VPS13B: variants seen among roughly 807,000 people sequenced by gnomAD.
VPS13B encodes the protein intermembrane lipid transfer protein VPS13B.
VPS13B carries 285 observed loss-of-function variants against 426.4 expected under a neutral mutation model. The observed-to-expected ratio is 0.67, with a 90% CI of 0.61 to 0.74. The LOEUF is 0.74. Ranked by LOEUF, VPS13B falls within the 30% of genes least tolerant of loss-of-function variation. The probability of loss-of-function intolerance (pLI) is 0.00; values close to 1 mark genes in which losing one functional copy is unlikely to be tolerated. For missense variants in VPS13B, 4,537 were observed against 4,782.6 expected, an observed-to-expected ratio of 0.95 and a Z score of 1.51; for synonymous variants, 1,676 against 1,676.4, an observed-to-expected ratio of 1.00 and a Z score of 0.01.
chr8:99,835,617 C>A lies in VPS13B; in HGVS notation c.9821C>A (p.Ser3274Tyr). The A allele has an allele frequency of 6.2e-7, 1 of 1,614,086 alleles. No individual in the cohort carries two copies. Among genetic ancestry groups the A allele is most frequent in the Non-Finnish European group, 8.5e-7 (1 of 1,180,022 alleles). ...CATCATGAGCTGTATCATCAGATTT[C>A]CAGTTATCCGGACTGCAAGACCAAA... is the stretch of plus-strand genomic sequence containing the variant. ...SIHHELYHQI[S>Y]SYPDCKTKDL... The change falls in exon 54 of 62, where the codon TCC becomes TAC. Residue 3274 changes from serine (S) to tyrosine (Y), a missense_variant. Physicochemically the swap from Ser to Tyr is moderately radical, Grantham distance 144 (BLOSUM62 -2). Transcript: ENST00000357162.
At chr8:99,258,308 C>CT (rs573461893) in intron 17 of VPS13B, among the ~76,000 whole-genome samples, 8 of 150,440 alleles carry the variant, frequency 5.3e-5, no homozygotes, top group South Asian at 4.2e-4. Flanking sequence ...ATATTTATGC[C>CT]TTTTTTTTAA....
chr8:99,640,013 T>TAAGAAGAAGAAGAAG (rs1438997007), intron 33 of VPS13B, among the ~76,000 whole-genome samples: 3 of 70,590 alleles, frequency 4.2e-5, no homozygotes, highest in African/African-American at 1.6e-4. Context: ...ATAATAATAA[T>TAAGAAGAAGAAGAAG]AATAATAATA....
At position 99,284,734 on chromosome 8, in the gene VPS13B, G is replaced by GTGTGTGTGTGTGTA. The variant is rs112069581; in HGVS notation, c.2824+9483_2824+9484insGTGTGTGTGTATGT. Among the ~76,000 whole-genome samples the GTGTGTGTGTGTGTA allele has an allele frequency of 4.8e-4, 73 of 150,962 alleles. 1 individual carries two copies. The highest frequency in any genetic ancestry group is 1.7e-3 in the African/African-American group (70 of 41,212). On this transcript the variant is annotated intron_variant, in intron 19 of 61. Transcript: ENST00000357162. ...CCTGGCTAAATTTGTGTGTGTGTGT[G>GTGTGTGTGTGTGTA]TGTTTTTGTAGAGACAGAGTCCCAC...
intron 24 of VPS13B, among the ~76,000 whole-genome samples, chr8:99,471,301 T>A (rs1435666164): frequency 6.6e-6 from 1 of 152,086 alleles, no homozygotes; most frequent in Non-Finnish European, 1.5e-5. Context: ...TCAAAAAGCA[T>A]AACATTGTCT....
intron 22 of VPS13B, among the ~76,000 whole-genome samples, chr8:99,433,412 A>G (rs1388554207): frequency 1.3e-5 from 2 of 152,216 alleles, no homozygotes; most frequent in Non-Finnish European, 2.9e-5. Flanking sequence ...AACATTAAGA[A>G]TGACTCCTTA....
intron 39 of VPS13B, among the ~76,000 whole-genome samples, chr8:99,759,814 A>G (rs1386631371): frequency 6.6e-6 from 1 of 152,144 alleles, no homozygotes; most frequent in Non-Finnish European, 1.5e-5. Context: ...CAATCAATCA[A>G]TAAGACTTAT....
rs1431623430 is a variant in VPS13B, at chr8:99,876,818, G to GAGAT, written c.*1154_*1157dup. On this transcript the variant is annotated 3_prime_UTR_variant, in exon 62 of 62. Coordinates refer to ENST00000357162, the MANE Select transcript of VPS13B (RefSeq NM_152564.5). ...GCTACAGCTTGTTACCTAGAATTTT[G>GAGAT]AGATACTAAGAGAATGCAATTTTAA... The GAGAT allele has an allele frequency of 6.6e-6, 1 of 152,130 alleles. No homozygotes were observed. Among genetic ancestry groups the GAGAT allele is most frequent in the South Asian group, 2.1e-4 (1 of 4,824 alleles). The allele number at this position is 152,130 out of a possible 1,614,324, so 9.4% of individuals were successfully genotyped here. A position where few individuals can be genotyped will look rare whatever the true frequency, so the allele number is the denominator to read the frequency against.
intron 29 of VPS13B, among the ~76,000 whole-genome samples, chr8:99,519,330 A>G (rs981913271): frequency 6.6e-6 from 1 of 152,204 alleles, no homozygotes; most frequent in African/African-American, 2.4e-5. Context: ...GTGGAGAAAT[A>G]GGAACACTTT....
chr8:99,428,458 C>G (rs560220763), intron 21 of VPS13B, among the ~76,000 whole-genome samples: 1 of 152,138 alleles, frequency 6.6e-6, no homozygotes, highest in East Asian at 1.9e-4. Flanking sequence ...ACAACCCCAT[C>G]AAAAAGTGGG....
chr8:99,284,950 T>C (rs910096277), intron 19 of VPS13B, among the ~76,000 whole-genome samples: 2 of 152,218 alleles, frequency 1.3e-5, no homozygotes, highest in East Asian at 3.8e-4. Flanking sequence ...CTCAAGTACA[T>C]TGTAAACTTT....
At chr8:99,850,312 T>TATAC (rs10678701) in intron 55 of VPS13B, among the ~76,000 whole-genome samples, 50 of 78,074 alleles carry the variant, frequency 6.4e-4, no homozygotes, top group East Asian at 1.4e-3. Context: ...TGTATGTACT[T>TATAC]ATACATACAT....
At chr8:99,369,157 C>G (rs1293485859) in intron 19 of VPS13B, among the ~76,000 whole-genome samples, 6 of 152,046 alleles carry the variant, frequency 3.9e-5, no homozygotes, top group Admixed American at 3.9e-4. Flanking sequence ...ATTGCTGTTC[C>G]TCTTTCCCAC....
In VPS13B at chr8:99,057,665, A is replaced by C. The variant is rs112678497; in HGVS notation, c.291+19099A>C. 3.9e-3 allele frequency among the ~76,000 whole-genome samples: 588 copies of C among 152,186 alleles called. 6 individuals are homozygous for C. The highest frequency in any genetic ancestry group is 0.013 in the African/African-American group (523 of 41,540). On this transcript the variant is annotated intron_variant, in intron 3 of 61. Coordinates refer to ENST00000357162, the MANE Select transcript of VPS13B (RefSeq NM_152564.5). ...CAGCATAAGAGCTAAATGGGCCTTC[A>C]CCTATATGTCCCATAGAATGTTCCA...
intron 22 of VPS13B, among the ~76,000 whole-genome samples, chr8:99,433,964 C>A (rs944540927): frequency 5.3e-5 from 8 of 152,028 alleles, no homozygotes; most frequent in African/African-American, 1.7e-4. Flanking sequence ...CACCACCACG[C>A]CCAGCTAATT....
intron 31 of VPS13B, among the ~76,000 whole-genome samples, chr8:99,561,070 A>T (rs1824895536): frequency 6.6e-6 from 1 of 152,204 alleles, no homozygotes; most frequent in Non-Finnish European, 1.5e-5. Context: ...TTTAAGGTGA[A>T]CATTTAGTGG....
chr8:99,632,742 C>T (rs904630602), intron 33 of VPS13B, among the ~76,000 whole-genome samples: 4 of 151,954 alleles, frequency 2.6e-5, no homozygotes, highest in African/African-American at 9.7e-5. Flanking sequence ...TGCATCATTA[C>T]TTTTTAAGGT....
chr8:99,133,407 A>G (rs1043751709), intron 8 of VPS13B, among the ~76,000 whole-genome samples: 50 of 152,330 alleles, frequency 3.3e-4, no homozygotes, highest in African/African-American at 1.2e-3. Flanking sequence ...AGACCACTCA[A>G]AATTCCTCCA....
At position 99,115,755 on chromosome 8, in the gene VPS13B, T is replaced by C; in HGVS notation, c.818T>C (p.Met273Thr). ...TCTATCACAGATCAACAACTGCCTATGTTTATTCGTATAATGCAACTTGGA... is the reference window on the plus strand; with the variant it reads ...TCTATCACAGATCAACAACTGCCTACGTTTATTCGTATAATGCAACTTGGA... ...KLSITDQQLPMFIRIMQLGIA... is the reference protein window; with the variant it reads ...KLSITDQQLPTFIRIMQLGIA... Residue 273 changes from methionine (M) to threonine (T), a missense_variant, in exon 7 of 62, where the codon ATG becomes ACG. By Grantham distance (81) the Met-to-Thr change is moderately conservative. Coordinates refer to ENST00000357162, the MANE Select transcript of VPS13B (RefSeq NM_152564.5). 2 of 1,613,552 alleles carry C rather than the reference T, an allele frequency of 1.2e-6. No homozygotes were observed. Among genetic ancestry groups the C allele is most frequent in the Non-Finnish European group, 1.7e-6 (2 of 1,179,780 alleles).
At chr8:99,232,456 C>T (rs947359877) in intron 17 of VPS13B, among the ~76,000 whole-genome samples, 7 of 151,998 alleles carry the variant, frequency 4.6e-5, no homozygotes, top group African/African-American at 1.7e-4. Flanking sequence ...CTCCTCTCTA[C>T]ACCGTGAACC....
Sources: allele counts gnomAD v4.1 joint callset (sites outside exome capture counted in the v4.1 genomes callset), GRCh38; gene constraint gnomAD v4.1.1; transcripts MANE v1.5; gene names NCBI Gene and HGNC (gene_info 2026-07-23, HGNC 2026-07-21).